SLC18B1: variants seen among roughly 807,000 people sequenced by gnomAD.
SLC18B1 encodes the protein MFS-type transporter SLC18B1.
In SLC18B1, 62 loss-of-function variants were observed where a neutral mutation model predicts 53.9. That is an observed-to-expected ratio of 1.15 (90% confidence interval 0.94 to 1.42). The LOEUF (loss-of-function observed/expected upper bound fraction) is 1.42. Among genes scored for constraint, SLC18B1 ranks in the 40% most tolerant of loss-of-function variants. SLC18B1 has a pLI of 0.00. For synonymous variants in SLC18B1, 217 were observed against 200.9 expected (o/e 1.08, Z -0.68); for missense variants, 598 against 547.3 (o/e 1.09, Z -0.93).
intron 11 of SLC18B1, 118 bp downstream of exon 11, chr6:132,772,014 C>T: frequency 1.5e-6 from 1 of 650,222 alleles, no homozygotes; most frequent in Non-Finnish European, 2.6e-6. Flanking sequence ...ATCTCTTGGA[C>T]CTGGGAGGCG....
chr6:132,790,176 C>G lies in SLC18B1; in HGVS notation c.279+1G>C. The G allele has an allele frequency of 6.4e-7, 1 of 1,556,750 alleles. No individual in the cohort carries two copies. On this transcript the variant is annotated splice_donor_variant, in intron 3 of 13. Transcript: ENST00000275227. LOFTEE classifies it high-confidence loss of function. ...GATGTGCATATGAACTTTATACTTACATAGTTTCCAAATACCAAGGATGCC... is the reference window on the plus strand; with the variant it reads ...GATGTGCATATGAACTTTATACTTAGATAGTTTCCAAATACCAAGGATGCC...
chr6:132,774,363 C>T, intron 8 of SLC18B1, 50 bp from the exon 9 acceptor site: 1 of 1,400,372 alleles, frequency 7.1e-7, no homozygotes, highest in Non-Finnish European at 1.0e-6. Context: ...CAAAGACCCT[C>T]CATAATCAAA....
intron 7 of SLC18B1, among the ~76,000 whole-genome samples, chr6:132,777,043 A>C (rs1260193804): frequency 6.6e-6 from 1 of 152,058 alleles, no homozygotes; most frequent in Non-Finnish European, 1.5e-5. Flanking sequence ...AACATGAGGA[A>C]ACCCCATCTC....
chr6:132,793,116 C>G (rs1781591715), intron 2 of SLC18B1, among the ~76,000 whole-genome samples: 1 of 150,858 alleles, frequency 6.6e-6, no homozygotes, highest in African/African-American at 2.5e-5. Flanking sequence ...GAACGAGGCT[C>G]TGTCTCAATA....
rs144823066 is a variant in SLC18B1 at position 132,783,623 on chromosome 6, T to G, written c.658+310A>C. Among the ~76,000 whole-genome samples, 321 of 152,362 alleles carry G rather than the reference T, an allele frequency of 2.1e-3. 3 individuals are homozygous for G. The highest frequency in any genetic ancestry group is 7.3e-3 in the African/African-American group (305 of 41,590). On this transcript the variant is annotated intron_variant, in intron 6 of 13. Coordinates refer to ENST00000275227, the MANE Select transcript of SLC18B1 (RefSeq NM_052831.3). ...CTAGCTTATAGCCTTCTAGGAAGAC[T>G]GGGCCATATGTGGCCCACAGAAACT... is the stretch of plus-strand genomic sequence containing the variant.
intron 2 of SLC18B1, among the ~76,000 whole-genome samples, chr6:132,792,646 T>C (rs1160601696): frequency 6.6e-6 from 1 of 152,154 alleles, no homozygotes; most frequent in Non-Finnish European, 1.5e-5. Flanking sequence ...GGACAGGAAC[T>C]TGCAAAGGTT....
At chr6:132,773,746 G>A (rs367734600) in intron 9 of SLC18B1, among the ~76,000 whole-genome samples, 2 of 152,024 alleles carry the variant, frequency 1.3e-5, no homozygotes, top group African/African-American at 4.8e-5. Context: ...ACCTGAAAAG[G>A]TCTAAGAAGT....
chr6:132,792,357 G>GGAAGGAAGGAAGGAAGGAAGGAAGGA (rs1562271694), intron 2 of SLC18B1, among the ~76,000 whole-genome samples: 2 of 100,950 alleles, frequency 2.0e-5, no homozygotes, highest in East Asian at 2.7e-4. Context: ...GGAAGGAAGG[G>GGAAGGAAGGAAGGAAGGAAGGAAGGA]AAAGAAAGAA....
chr6:132,790,236 T>C lies in SLC18B1; in HGVS notation c.220A>G (p.Met74Val). 2 of 1,576,496 alleles carry C rather than the reference T, an allele frequency of 1.3e-6. No individual in the cohort carries two copies. Among genetic ancestry groups the C allele is most frequent in the Non-Finnish European group, 1.7e-6 (2 of 1,158,676 alleles). ...AACAAAGCAAAACATCCAAAGATCA[T>C]ACCGATAATTGTATTGCTGGCTCCC... ...KKGASNTIIG[M>V]IFGCFALFEL... Residue 74 changes from methionine (M) to valine (V), a missense_variant, in exon 3 of 14, where the codon ATG becomes GTG. Transcript: ENST00000275227.
intron 2 of SLC18B1, among the ~76,000 whole-genome samples, chr6:132,795,944 G>A (rs990348642): frequency 6.6e-6 from 1 of 152,194 alleles, no homozygotes; most frequent in African/African-American, 2.4e-5. Flanking sequence ...TGGGCGTGGT[G>A]GCTCACGCCT....
At position 132,770,915 on chromosome 6, in the gene SLC18B1, G is replaced by T. The variant is rs755330508; in HGVS notation, c.1279C>A (p.Leu427Ile). The T allele has an allele frequency of 1.2e-6, 2 of 1,612,580 alleles. No individual in the cohort carries two copies. Among genetic ancestry groups the T allele is most frequent in the East Asian group, 4.5e-5 (2 of 44,852 alleles). Reference sequence around the variant, plus strand: ...CTTTTTCTCCTTGAATACTCCAGTAGATAAAACAAGCCCATGGCTAATCCC... The same window carrying T: ...CTTTTTCTCCTTGAATACTCCAGTATATAAAACAAGCCCATGGCTAATCCC... Reference protein sequence around the residue: ...ISGLAMGLFYLLEYSRRKRSK... With the variant: ...ISGLAMGLFYILEYSRRKRSK... Residue 427 changes from leucine to isoleucine, a missense_variant, in exon 13 of 14, where the codon CTA becomes ATA. Coordinates refer to ENST00000275227, the MANE Select transcript of SLC18B1 (RefSeq NM_052831.3).
At chr6:132,784,404 C>A (rs539587654) in intron 5 of SLC18B1, among the ~76,000 whole-genome samples, 1 of 151,772 alleles carries the variant, frequency 6.6e-6, no homozygotes, top group Non-Finnish European at 1.5e-5. Context: ...AAATGAAGAA[C>A]AGAGAAAAAA....
Position 132,779,344 on chromosome 6 carries a change from A to T in SLC18B1, c.719T>A (p.Ile240Lys), listed in dbSNP as rs147348455. 5 of 1,614,112 alleles carry T rather than the reference A, an allele frequency of 3.1e-6. No individual in the cohort carries two copies. The highest frequency in any genetic ancestry group is 4.2e-6 in the Non-Finnish European group (5 of 1,179,970). The change falls in exon 7 of 14, where the codon ATA becomes AAA. Residue 240 changes from isoleucine (I) to lysine (K), a missense_variant. Transcript: ENST00000275227. ...KLIALPKVGL[I>K]AFVINSLSSC... ...GCTGAGTGAGTTGATGACGAAGGCTATAAGGCCAACTTTGGGTAAAGCGAT... is the reference window on the plus strand; with the variant it reads ...GCTGAGTGAGTTGATGACGAAGGCTTTAAGGCCAACTTTGGGTAAAGCGAT...
intron 6 of SLC18B1, 29 bp from the exon 7 acceptor site, chr6:132,779,433 A>C: frequency 1.3e-6 from 2 of 1,571,942 alleles, no homozygotes; most frequent in Non-Finnish European, 8.7e-7. Context: ...AAAAGAAAAA[A>C]AAAATGAAAG....
In SLC18B1 at chr6:132,772,178, T is replaced by A; in HGVS notation, c.1114A>T (p.Thr372Ser). ...AAAAGACCTGATACAAGTCCCAATG[T>A]ACTTAATCCCTCTTCAAACCCATTT... ...HENGFEEGLS[T>S]LGLVSGLFSA... Residue 372 changes from threonine (T) to serine (S), a missense_variant, in exon 11 of 14, where the codon ACA (threonine) becomes TCA (serine). Thr to Ser is a moderately conservative substitution (Grantham distance 58). Transcript: ENST00000275227. 6.3e-7 allele frequency: 1 copy of A among 1,580,246 alleles called. No homozygotes were observed. The highest frequency in any genetic ancestry group is 8.6e-7 in the Non-Finnish European group (1 of 1,168,202).
intron 2 of SLC18B1, among the ~76,000 whole-genome samples, chr6:132,792,274 AGAAAGAAAGGAAGAAAGGAAG>A (rs1781551922): frequency 1.7e-5 from 1 of 58,088 alleles, no homozygotes; most frequent in African/African-American, 1.2e-4. Flanking sequence ...AAAGAAAGAA[AGAAAGAAAGGAAGAAAGGAAG>A]GAAGGAAGGA....
At chr6:132,786,856 A>G (rs2114677737) in intron 5 of SLC18B1, among the ~76,000 whole-genome samples, 1 of 152,338 alleles carries the variant, frequency 6.6e-6, no homozygotes, top group South Asian at 2.1e-4. Flanking sequence ...CACTAATACC[A>G]GGTCTATACG....
chr6:132,775,832 C>T (rs142334565), intron 8 of SLC18B1, among the ~76,000 whole-genome samples: 1 of 152,340 alleles, frequency 6.6e-6, no homozygotes, highest in African/African-American at 2.4e-5. Flanking sequence ...ATCAAGTCCA[C>T]AGTAGCCTCT....
At chr6:132,775,430 T>A (rs1781074320) in intron 8 of SLC18B1, among the ~76,000 whole-genome samples, 1 of 152,188 alleles carries the variant, frequency 6.6e-6, no homozygotes, top group South Asian at 2.1e-4. Context: ...CCATATCTGC[T>A]CAGTTATGTA....
Sources: allele counts gnomAD v4.1 joint callset (sites outside exome capture counted in the v4.1 genomes callset), GRCh38; gene constraint gnomAD v4.1.1; transcripts MANE v1.5; gene names NCBI Gene and HGNC (gene_info 2026-07-23, HGNC 2026-07-21).